Variants in ZNF140 observed in about 807,000 individuals in gnomAD.
The protein encoded by ZNF140 is zinc finger protein 140, also known as zinc finger protein 140 (clone pHZ-39).
ZNF140 carries 13 observed loss-of-function variants against 12.9 expected under a neutral mutation model. The ratio of observed to expected loss-of-function variants is 1.01; its 90% CI spans 0.66 to 1.60. The LOEUF is 1.60. ZNF140 is among the 40% of genes most tolerant of loss of function. ZNF140 has a pLI of 0.00. For synonymous variants in ZNF140, 214 were observed against 186.7 expected (o/e 1.15, Z -1.19); for missense variants, 531 against 548.8 (o/e 0.97, Z 0.32).
Position 133,105,658 on chromosome 12 carries a change from T to A in ZNF140, c.381T>A (p.Thr127=), listed in dbSNP as rs540164986. 2.5e-6 allele frequency: 4 copies of A among 1,614,080 alleles called. No homozygotes were observed. Among genetic ancestry groups the A allele is most frequent in the Non-Finnish European group, 3.4e-6 (4 of 1,180,048 alleles). ...FKGGWKCKDH[T]EMLQENQGCI... ...GAGGCTGGAAATGCAAGGATCATAC[T>A]GAGATGCTGCAAGAAAATCAGGGAT... The change falls in exon 5 of 5, where the codon ACT becomes ACA. Residue 127 remains threonine, a synonymous_variant. Coordinates refer to ENST00000355557, the MANE Select transcript of ZNF140 (RefSeq NM_003440.4).
At chr12:133,090,500 A>T (rs1954818123) in intron 4 of ZNF140, among the ~76,000 whole-genome samples, 1 of 152,014 alleles carries the variant, frequency 6.6e-6, no homozygotes, top group Admixed American at 6.6e-5. Context: ...TGCTCTTTTT[A>T]AAATTTCCTG....
chr12:133,083,102 G>A lies in ZNF140; in HGVS notation c.10-1G>A. 6.2e-7 allele frequency: 1 copy of A among 1,614,194 alleles called. No homozygotes were observed. The highest frequency in any genetic ancestry group is 8.5e-7 in the Non-Finnish European group (1 of 1,180,024). The stretch of plus-strand genomic sequence containing the variant: ...ATGCAAATATCTGTCCGTCATTTCA[G>A]GGGTCAGTGACATTCAGAGATGTGG... On this transcript the variant is annotated splice_acceptor_variant, in intron 2 of 4. Transcript: ENST00000355557. LOFTEE classifies it high-confidence loss of function.
Position 133,083,114 on chromosome 12 carries a change from A to G in ZNF140, c.21A>G (p.Thr7=), listed in dbSNP as rs1306545773. The change falls in exon 3 of 5, where the codon ACA becomes ACG. Residue 7 remains threonine (T), a synonymous_variant. Transcript: ENST00000355557. Reference sequence around the variant, plus strand: ...GTCCGTCATTTCAGGGGTCAGTGACATTCAGAGATGTGGCCATAGACTTCT... The same window carrying G: ...GTCCGTCATTTCAGGGGTCAGTGACGTTCAGAGATGTGGCCATAGACTTCT... MSQGSV[T]FRDVAIDFSQ... The G allele has an allele frequency of 6.2e-7, 1 of 1,614,212 alleles. No individual in the cohort carries two copies. Among genetic ancestry groups the G allele is most frequent in the Admixed American group, 1.7e-5 (1 of 60,028 alleles).
At chr12:133,098,421 G>A (rs1287680546) in intron 4 of ZNF140, among the ~76,000 whole-genome samples, 2 of 150,828 alleles carry the variant, frequency 1.3e-5, no homozygotes, top group Admixed American at 1.3e-4. Flanking sequence ...TGCATTTTTA[G>A]TAGAGATAGG....
intron 4 of ZNF140, among the ~76,000 whole-genome samples, chr12:133,099,828 T>C (rs1955270354): frequency 6.6e-6 from 1 of 152,182 alleles, no homozygotes; most frequent in Admixed American, 6.5e-5. Context: ...AGGGCAGGTG[T>C]ACTGGCAACA....
chr12:133,084,714 G>A (rs991985848), intron 4 of ZNF140, among the ~76,000 whole-genome samples: 95 of 152,286 alleles, frequency 6.2e-4, no homozygotes, highest in African/African-American at 2.0e-3. Flanking sequence ...GGAGGAATGC[G>A]TACTTTTTAG....
intron 4 of ZNF140, among the ~76,000 whole-genome samples, chr12:133,104,728 C>A (rs61951771): frequency 0.48 from 73,513 of 151,982 alleles, 18,404 homozygotes; most frequent in Non-Finnish European, 0.55. Flanking sequence ...GATGAAGTCC[C>A]TCGTTAAAAT....
At position 133,105,871 on chromosome 12, in the gene ZNF140, T is replaced by C; in HGVS notation, c.594T>C (p.Phe198=). 6.2e-7 allele frequency: 1 copy of C among 1,614,104 alleles called. No homozygotes were observed. The highest frequency in any genetic ancestry group is 8.5e-7 in the Non-Finnish European group (1 of 1,180,010). The change falls in exon 5 of 5, where the codon TTT becomes TTC. Residue 198 remains phenylalanine (F), a synonymous_variant. Coordinates refer to ENST00000355557, the MANE Select transcript of ZNF140 (RefSeq NM_003440.4). The part of the protein sequence containing the change: ...PYACKECGKT[F]SQISNLVKHQ... ...CATGTAAGGAATGTGGCAAAACCTT[T>C]AGCCAGATTTCAAACCTTGTGAAAC...
intron 4 of ZNF140, chr12:133,093,462 G>A (rs531508795): frequency 4.3e-6 from 3 of 699,616 alleles, no homozygotes; most frequent in East Asian, 5.4e-5. Context: ...GGCCCATGTC[G>A]ACGGCTCCGC....
chr12:133,086,635 CTTAAT>C (rs1251425028), intron 4 of ZNF140, among the ~76,000 whole-genome samples: 1 of 151,908 alleles, frequency 6.6e-6, no homozygotes, highest in African/African-American at 2.4e-5. Context: ...AACAGAAATT[CTTAAT>C]TTTAGTGTAG....
At chr12:133,090,643 G>A (rs1398188240) in intron 4 of ZNF140, among the ~76,000 whole-genome samples, 2 of 116,616 alleles carry the variant, frequency 1.7e-5, no homozygotes, top group Non-Finnish European at 3.9e-5. Flanking sequence ...AAACAACAGT[G>A]GGCCCAGGGG....
intron 4 of ZNF140, among the ~76,000 whole-genome samples, chr12:133,096,457 A>C (rs1393326471): frequency 1.3e-5 from 2 of 152,068 alleles, no homozygotes; most frequent in Admixed American, 6.6e-5. Flanking sequence ...TGACAGTCTG[A>C]TCTCCCTCTC....
rs368640870 is a variant in ZNF140 at position 133,081,348 on chromosome 12, AAT to A, written c.9+41_9+42del. On this transcript the variant is annotated intron_variant, in intron 2 of 4. Coordinates refer to ENST00000355557, the MANE Select transcript of ZNF140 (RefSeq NM_003440.4). ...GTCTCAGGTAAGCTAATGATTGATA[AAT>A]ATATATATATATATATATATAAATT... The A allele has an allele frequency of 9.3e-3, 2,958 of 318,106 alleles. 147 individuals are homozygous for A. The highest frequency in any genetic ancestry group is 0.05 in the African/African-American group (1,623 of 32,478). The allele number at this position is 318,106 out of a possible 1,614,324, so 19.7% of individuals were successfully genotyped here. A position where few individuals can be genotyped will look rare whatever the true frequency, so the allele number is the denominator to read the frequency against.
chr12:133,100,924 T>C (rs1955324612), intron 4 of ZNF140: 1 of 448,192 alleles, frequency 2.2e-6, no homozygotes, highest in South Asian at 1.6e-5. Flanking sequence ...CAGAATGGTG[T>C]ACAGTTTAAA....
At chr12:133,090,037 T>TG (rs1220635013) in intron 4 of ZNF140, among the ~76,000 whole-genome samples, 7 of 151,970 alleles carry the variant, frequency 4.6e-5, no homozygotes, top group African/African-American at 1.7e-4. Flanking sequence ...TTAGTAGAGA[T>TG]GGGGTCTCAT....
In ZNF140 at chr12:133,106,397, C is replaced by T; in HGVS notation, c.1120C>T (p.Gln374Ter). The change falls in exon 5 of 5, where the codon CAA becomes TAA. Residue 374 changes from glutamine (Q) to a stop codon, truncating the protein, a stop_gained. Transcript: ENST00000355557. LOFTEE classifies it low-confidence loss of function (END_TRUNC). The part of the protein sequence containing the change: ...KVFTWHASLI[Q>*]HTKSHTGEKP... Reference sequence around the variant, plus strand: ...TTTCACTTGGCATGCATCCCTTATTCAACATACGAAGAGTCACACTGGAGA... The same window carrying T: ...TTTCACTTGGCATGCATCCCTTATTTAACATACGAAGAGTCACACTGGAGA... The T allele has an allele frequency of 6.2e-7, 1 of 1,614,124 alleles. No homozygotes were observed. Among genetic ancestry groups the T allele is most frequent in the Non-Finnish European group, 8.5e-7 (1 of 1,180,018 alleles).
chr12:133,101,617 T>C (rs1955352901), intron 4 of ZNF140, among the ~76,000 whole-genome samples: 1 of 152,144 alleles, frequency 6.6e-6, no homozygotes, highest in South Asian at 2.1e-4. Flanking sequence ...GCTAATTTTT[T>C]GTATTTTTAG....
At chr12:133,095,822 A>G (rs1955077454) in intron 4 of ZNF140, among the ~76,000 whole-genome samples, 2 of 152,160 alleles carry the variant, frequency 1.3e-5, no homozygotes, top group South Asian at 2.1e-4. Context: ...CTCTCCACCC[A>G]AACATCTCAG....
chr12:133,089,943 G>A (rs920246793), intron 4 of ZNF140, among the ~76,000 whole-genome samples: 3 of 151,278 alleles, frequency 2.0e-5, no homozygotes, highest in East Asian at 1.9e-4. Context: ...TCTGCCTCCC[G>A]GGTTCAAGCG....
Sources: allele counts gnomAD v4.1 joint callset (sites outside exome capture counted in the v4.1 genomes callset), GRCh38; gene constraint gnomAD v4.1.1; transcripts MANE v1.5; gene names NCBI Gene and HGNC (gene_info 2026-07-23, HGNC 2026-07-21).